ZXDC: variants seen among roughly 807,000 people sequenced by gnomAD.
The protein encoded by ZXDC is zinc finger protein ZXDC.
ZXDC carries 58 observed loss-of-function variants against 63.6 expected under a neutral mutation model. That is an observed-to-expected ratio of 0.91 (90% CI 0.74 to 1.13). ZXDC has a LOEUF of 1.13. Among genes scored for constraint, ZXDC ranks in the 50% most tolerant of loss-of-function variants. ZXDC has a pLI of 0.00. For missense variants in ZXDC, 1,133 were observed against 1,148.9 expected, an observed-to-expected ratio of 0.99 and a Z score of 0.20; for synonymous variants, 561 against 496.1, an observed-to-expected ratio of 1.13 and a Z score of -1.74.
intron 6 of ZXDC, chr3:126,461,082 CT>C (rs79091231): frequency 3.3e-3 from 2,278 of 695,220 alleles, no homozygotes; most frequent in Middle Eastern, 5.1e-3. Context: ...AAACCCCACC[CT>C]TTTTTTTTTT....
At chr3:126,448,623 C>T (rs771095694) in intron 7 of ZXDC, among the ~76,000 whole-genome samples, 2 of 152,232 alleles carry the variant, frequency 1.3e-5, no homozygotes, top group East Asian at 1.9e-4. Flanking sequence ...GAGACCAGCA[C>T]GTCGTGGGGC....
intron 7 of ZXDC, among the ~76,000 whole-genome samples, chr3:126,447,672 T>C (rs1425655333): frequency 6.6e-6 from 1 of 152,216 alleles, no homozygotes; most frequent in East Asian, 1.9e-4. Context: ...TCTCTAGTAT[T>C]AGGGAAATCT....
At chr3:126,441,294 C>A in intron 8 of ZXDC, 1 of 991,378 alleles carries the variant, frequency 1.0e-6, no homozygotes, top group South Asian at 4.7e-5. Context: ...ACTGAAAAGA[C>A]CCCCACCACC....
chr3:126,474,855 C>A (rs1030133266), intron 1 of ZXDC, 104 bp downstream of exon 1: 76 of 1,313,500 alleles, frequency 5.8e-5, no homozygotes, highest in Non-Finnish European at 7.7e-5. Context: ...GAGCCTGCGT[C>A]CCCGGCTTGC....
intron 7 of ZXDC, among the ~76,000 whole-genome samples, chr3:126,445,878 G>A (rs78537496): frequency 0.059 from 9,023 of 152,196 alleles, 323 homozygotes; most frequent in African/African-American, 0.076. Context: ...TAAGATGGCT[G>A]AAAGTTAATC....
chr3:126,454,453 T>C (rs780872459), intron 7 of ZXDC: 58 of 985,334 alleles, frequency 5.9e-5, no homozygotes, highest in Non-Finnish European at 6.4e-5. Context: ...ACTTTTCATA[T>C]TAACATTAGC....
chr3:126,465,158 G>T (rs1214538710), intron 5 of ZXDC, among the ~76,000 whole-genome samples: 1 of 152,212 alleles, frequency 6.6e-6, no homozygotes, highest in Non-Finnish European at 1.5e-5. Context: ...AGCCTCCACG[G>T]ACTGAGCAGC....
At chr3:126,466,960 A>G (rs1289003653) in intron 4 of ZXDC, among the ~76,000 whole-genome samples, 1 of 152,156 alleles carries the variant, frequency 6.6e-6, no homozygotes, top group African/African-American at 2.4e-5. Context: ...GCTTTCTACT[A>G]CGCTGGAGCT....
intron 7 of ZXDC, chr3:126,457,380 C>A (rs1934349818): frequency 1.0e-6 from 1 of 985,294 alleles, no homozygotes; most frequent in Non-Finnish European, 1.2e-6. Flanking sequence ...CGGGAAGACA[C>A]CAGTGCCCTG....
intron 2 of ZXDC, 41 bp downstream of exon 2, chr3:126,472,111 CA>C: frequency 6.2e-7 from 1 of 1,608,806 alleles, no homozygotes; most frequent in South Asian, 1.1e-5. Flanking sequence ...ACGATGAAGA[CA>C]AATCTTGGGT....
intron 7 of ZXDC, among the ~76,000 whole-genome samples, chr3:126,456,242 G>A (rs966795485): frequency 6.6e-6 from 1 of 152,224 alleles, no homozygotes. Context: ...GAGAGGCCTC[G>A]CCTCTGCCCC....
chr3:126,465,272 A>G (rs531491324), intron 5 of ZXDC, among the ~76,000 whole-genome samples: 1 of 152,342 alleles, frequency 6.6e-6, no homozygotes, highest in Admixed American at 6.5e-5. Context: ...TGCTCCCCAG[A>G]GGGGCCGCCA....
At chr3:126,454,054 A>G in intron 7 of ZXDC, 1 of 725,900 alleles carries the variant, frequency 1.4e-6, no homozygotes, top group Non-Finnish European at 1.6e-6. Context: ...TACTACACAT[A>G]TATATATATA....
At chr3:126,453,264 A>G in intron 7 of ZXDC, 1 of 985,448 alleles carries the variant, frequency 1.0e-6, no homozygotes, top group Non-Finnish European at 1.2e-6. Flanking sequence ...AATTTGTGGA[A>G]TTTACTTAAT....
chr3:126,439,812 C>G, intron 8 of ZXDC, 85 bp from the exon 9 acceptor site: 1 of 1,475,700 alleles, frequency 6.8e-7, no homozygotes. Context: ...TCTCCTCCAG[C>G]TGCAATGCGT....
chr3:126,462,677 G>A (rs114234522), intron 5 of ZXDC, among the ~76,000 whole-genome samples: 4,972 of 152,240 alleles, frequency 0.033, 89 homozygotes, highest in South Asian at 0.052. Flanking sequence ...GTTGCTAGCT[G>A]GCCTGTGCTC....
rs1344652508 is a variant in ZXDC at position 126,437,718 on chromosome 3, C to T, written c.*657G>A. 2 of 147,538 alleles carry T rather than the reference C, an allele frequency of 1.4e-5. No individual in the cohort carries two copies. The highest frequency in any genetic ancestry group is 3.0e-5 in the Non-Finnish European group (2 of 67,630). The allele number at this position is 147,538 out of a possible 1,614,324, so 9.1% of individuals were successfully genotyped here. On this transcript the variant is annotated 3_prime_UTR_variant, in exon 10 of 10. Coordinates refer to ENST00000389709, the MANE Select transcript of ZXDC (RefSeq NM_025112.5). ...TTTAGAAAATTATTTTAAATTTTAA[C>T]TCTACCATCCCCCCGAGCTCTCGGC...
chr3:126,470,116 C>G (rs1368413048), intron 4 of ZXDC, among the ~76,000 whole-genome samples: 2 of 152,194 alleles, frequency 1.3e-5, no homozygotes, highest in Non-Finnish European at 2.9e-5. Flanking sequence ...CAGCCAATTT[C>G]TGGCAAATGA....
chr3:126,438,248 G>T lies in ZXDC; in HGVS notation c.*127C>A, dbSNP rs1933536563. On this transcript the variant is annotated 3_prime_UTR_variant, in exon 10 of 10. Transcript: ENST00000389709. Reference sequence around the variant, plus strand: ...ACATTTTTGATAAATGTACCCAAAAGTCTCAAAAGGGCTACGCTGGTCTTC... The same window carrying T: ...ACATTTTTGATAAATGTACCCAAAATTCTCAAAAGGGCTACGCTGGTCTTC... The T allele has an allele frequency of 2.7e-6, 2 of 749,100 alleles. No individual in the cohort carries two copies. Among genetic ancestry groups the T allele is most frequent in the Non-Finnish European group, 4.6e-6 (2 of 432,630 alleles). 46.4% of individuals were successfully genotyped at this position (749,100 alleles called of 1,614,324 possible). A position where few individuals can be genotyped will look rare whatever the true frequency, so the allele number is the denominator to read the frequency against.
Sources: allele counts gnomAD v4.1 joint callset (sites outside exome capture counted in the v4.1 genomes callset), GRCh38; gene constraint gnomAD v4.1.1; transcripts MANE v1.5; gene names NCBI Gene and HGNC (gene_info 2026-07-23, HGNC 2026-07-21).